Variants in GFPT2 observed in about 807,000 individuals in gnomAD.
GFPT2 encodes glutamine--fructose-6-phosphate transaminase 2, also known as glutamine--fructose-6-phosphate aminotransferase [isomerizing] 2.
Under a neutral mutation model 85.6 loss-of-function variants are expected in GFPT2, and 62 were observed. The ratio of observed to expected loss-of-function variants is 0.72; its 90% CI spans 0.59 to 0.90. GFPT2 has a LOEUF of 0.90. GFPT2 is among the 40% of genes least tolerant of loss of function. The pLI is 0.00. For synonymous variants in GFPT2, 368 were observed against 344.5 expected (o/e 1.07, Z -0.75); for missense variants, 788 against 893.4 (o/e 0.88, Z 1.50).
At chr5:180,344,008 C>T (rs565342873) in intron 1 of GFPT2, among the ~76,000 whole-genome samples, 1 of 152,338 alleles carries the variant, frequency 6.6e-6, no homozygotes, top group East Asian at 1.9e-4. Flanking sequence ...GCTCAGGGCT[C>T]TTGTGGTTGC....
intron 1 of GFPT2, among the ~76,000 whole-genome samples, chr5:180,340,196 G>T (rs538116891): frequency 1.1e-3 from 163 of 147,792 alleles, no homozygotes; most frequent in South Asian, 3.4e-3. Context: ...TTTTTTTTTT[G>T]TTTTTGTTTT....
At chr5:180,311,055 C>T (rs1397424047) in intron 15 of GFPT2, among the ~76,000 whole-genome samples, 4 of 152,148 alleles carry the variant, frequency 2.6e-5, no homozygotes, top group African/African-American at 7.2e-5. Context: ...CAAGCTGTCT[C>T]GGCCAGTGTC....
chr5:180,336,492 A>C lies in GFPT2; in HGVS notation c.201T>G (p.Asp67Glu). 1 of 1,596,210 alleles carries C rather than the reference A, an allele frequency of 6.3e-7. No individual in the cohort carries two copies. Among genetic ancestry groups the C allele is most frequent in the Non-Finnish European group, 8.6e-7 (1 of 1,163,686 alleles). Residue 67 changes from aspartate to glutamate, a missense_variant, in exon 3 of 19, where the codon GAT (aspartate) becomes GAG (glutamate). Asp to Glu is a conservative substitution (Grantham distance 45). Transcript: ENST00000253778. ...TCCTCCACTTACTGTAAAGTTCTTC[A>C]TCGAGAGCCTTGACTTTCCCCCTTT... The part of the protein sequence containing the change: ...VKKRGKVKAL[D>E]EELYKQDSMD...
In GFPT2 at chr5:180,313,856, C is replaced by G. The variant is rs1418997753; in HGVS notation, c.1382G>C (p.Cys461Ser). Reference sequence around the variant, plus strand: ...CGGCCCTGCGTTGATGTGGACGCCGCAGTCGGTCTCGCGAGAGATGGAGCT... The same window carrying G: ...CGGCCCTGCGTTGATGTGGACGCCGGAGTCGGTCTCGCGAGAGATGGAGCT... ...VGSSISRETD[C>S]GVHINAGPEI... Residue 461 changes from cysteine (C) to serine (S), a missense_variant, in exon 14 of 19, where the codon TGC becomes TCC. Cys to Ser is a moderately radical substitution (Grantham distance 112, BLOSUM62 -1). Transcript: ENST00000253778. The G allele has an allele frequency of 6.2e-7, 1 of 1,600,272 alleles. No homozygotes were observed. Among genetic ancestry groups the G allele is most frequent in the South Asian group, 1.1e-5 (1 of 89,700 alleles).
chr5:180,315,174 TC>T (rs1437669208), intron 13 of GFPT2, among the ~76,000 whole-genome samples: 42 of 151,558 alleles, frequency 2.8e-4, no homozygotes, highest in Non-Finnish European at 5.6e-4. Context: ...CATACGTTTT[TC>T]TTTTTCTTTT....
At chr5:180,347,874 G>A (rs1764639308) in intron 1 of GFPT2, among the ~76,000 whole-genome samples, 1 of 152,266 alleles carries the variant, frequency 6.6e-6, no homozygotes, top group East Asian at 1.9e-4. Context: ...ACACCACTTC[G>A]CAGCAGCCAG....
In GFPT2 at chr5:180,336,104, C is replaced by A. The variant is rs531716282; in HGVS notation, c.215-151G>T. On this transcript the variant is annotated intron_variant, in intron 3 of 18. Transcript: ENST00000253778. ...CACCCTGGGAGTCCGCGCAGGCCCA[C>A]AAACCACCCGTGCTGAAGGTTATTT... is the stretch of plus-strand genomic sequence containing the variant. 73 of 649,044 alleles carry A rather than the reference C, an allele frequency of 1.1e-4. 1 individual carries two copies. The South Asian group carries it at 1.3e-3, about 12-fold the overall frequency. 40.2% of individuals were successfully genotyped at this position (649,044 alleles called of 1,614,324 possible).
intron 18 of GFPT2, 55 bp from the exon 19 acceptor site, chr5:180,301,663 C>A: frequency 7.2e-7 from 1 of 1,390,078 alleles, no homozygotes. Context: ...CAACATGCTA[C>A]CTCTCACAGA....
intron 1 of GFPT2, among the ~76,000 whole-genome samples, chr5:180,345,075 G>A (rs1186333109): frequency 2.0e-5 from 3 of 152,238 alleles, no homozygotes; most frequent in Non-Finnish European, 4.4e-5. Flanking sequence ...CTGAATGTTC[G>A]GACCTCAGTT....
chr5:180,311,299 G>C lies in GFPT2; in HGVS notation c.1546+1131C>G, dbSNP rs113628250. The stretch of plus-strand genomic sequence containing the variant: ...GCACAGAAGTCTCTCTCCTACTCTG[G>C]CATGTGAGTGACTGAAGGAGGTGAG... On this transcript the variant is annotated intron_variant, in intron 15 of 18. Coordinates refer to ENST00000253778, the MANE Select transcript of GFPT2 (RefSeq NM_005110.4). Among the ~76,000 whole-genome samples, 126 of 152,354 alleles carry C rather than the reference G, an allele frequency of 8.3e-4. 1 individual carries two copies. In the Middle Eastern group the frequency reaches 0.014, roughly 16 times the overall value.
chr5:180,340,664 A>C (rs1764498092), intron 1 of GFPT2, among the ~76,000 whole-genome samples: 2 of 150,846 alleles, frequency 1.3e-5, no homozygotes, highest in African/African-American at 2.4e-5. Flanking sequence ...GGTGCCCGAC[A>C]CCATGCCCAG....
Position 180,307,228 on chromosome 5 carries a change from A to C in GFPT2, c.1622T>G (p.Leu541Arg), listed in dbSNP as rs1763799494. The C allele has an allele frequency of 6.2e-7, 1 of 1,612,724 alleles. No homozygotes were observed. Among genetic ancestry groups the C allele is most frequent in the Non-Finnish European group, 8.5e-7 (1 of 1,179,532 alleles). The change falls in exon 16 of 19, where the codon CTG becomes CGG. Residue 541 changes from leucine (L) to arginine (R), a missense_variant. Physicochemically the swap from Leu to Arg is moderately radical, Grantham distance 102. Transcript: ENST00000253778. ...LALELYTQRS[L>R]LVMGRGYNYA... ...GTTGTAGCCCCGCCCCATCACCAGC[A>C]GCGATCTCTGCGTGTAGAGCTCCAG...
chr5:180,344,759 C>T (rs1333798792), intron 1 of GFPT2, among the ~76,000 whole-genome samples: 1 of 152,218 alleles, frequency 6.6e-6, no homozygotes, highest in Non-Finnish European at 1.5e-5. Context: ...GGACGCCAGG[C>T]CTGCCCTGGC....
At chr5:180,326,318 TAA>T in intron 7 of GFPT2, among the ~76,000 whole-genome samples, 1 of 151,386 alleles carries the variant, frequency 6.6e-6, no homozygotes, top group Admixed American at 6.6e-5. Context: ...TAAGACAATT[TAA>T]GAGAGCTGTT....
chr5:180,314,204 T>A (rs1307750206), intron 13 of GFPT2, among the ~76,000 whole-genome samples: 1 of 152,160 alleles, frequency 6.6e-6, no homozygotes, highest in Admixed American at 6.5e-5. Context: ...GTGAGGACCA[T>A]CGTCCCCATT....
chr5:180,304,741 G>A (rs761525549), intron 17 of GFPT2, 31 bp downstream of exon 17: 2 of 1,590,770 alleles, frequency 1.3e-6, no homozygotes, highest in South Asian at 2.2e-5. Context: ...AAGCAGGAGA[G>A]AGCTGGCCCA....
rs1237400090 is a variant in GFPT2, at chr5:180,331,508, A to G, written c.386T>C (p.Leu129Pro). 1 of 1,589,200 alleles carries G rather than the reference A, an allele frequency of 6.3e-7. No individual in the cohort carries two copies. The stretch of plus-strand genomic sequence containing the variant: ...GAAGCATCTTACCAGAAATTTCCTC[A>G]GATCTTTGTAATTTGTGATGATCCC... ...HNGIITNYKD[L>P]RKFLESKGYE... The change falls in exon 5 of 19, where the codon CTG becomes CCG. Residue 129 changes from leucine to proline, a missense_variant. Physicochemically the swap from Leu to Pro is moderately conservative, Grantham distance 98 (BLOSUM62 -3). Transcript: ENST00000253778.
intron 16 of GFPT2, among the ~76,000 whole-genome samples, chr5:180,306,195 G>A (rs554797646): frequency 8.5e-5 from 13 of 152,122 alleles, no homozygotes; most frequent in African/African-American, 2.7e-4. Context: ...ATGTTGTCCA[G>A]GCTGGTCTCG....
chr5:180,341,211 C>T (rs998672785), intron 1 of GFPT2, among the ~76,000 whole-genome samples: 3 of 152,138 alleles, frequency 2.0e-5, no homozygotes, highest in African/African-American at 7.2e-5. Flanking sequence ...ACGAGGGTTA[C>T]AAGAAGGTTT....
Sources: gnomAD v4.1 joint callset for allele counts (sites outside exome capture counted in the v4.1 genomes callset) on GRCh38, gnomAD v4.1.1 for gene constraint, MANE v1.5 for transcripts, NCBI Gene and HGNC (gene_info 2026-07-23, HGNC 2026-07-21) for gene names.